Variants in GALNT13 observed in about 807,000 individuals in gnomAD.
GALNT13 encodes polypeptide N-acetylgalactosaminyltransferase 13, also known as UDP-GalNAc:polypeptide N-acetylgalactosaminyltransferase 13.
Under a neutral mutation model 64.2 loss-of-function variants are expected in GALNT13, and 28 were observed. The ratio of observed to expected loss-of-function variants is 0.44; its 90% CI spans 0.32 to 0.60. The LOEUF (loss-of-function observed/expected upper bound fraction) is 0.60. Ranked by LOEUF, GALNT13 falls within the 20% of genes least tolerant of loss-of-function variation. GALNT13 has a pLI of 0.05. For missense variants in GALNT13, 577 were observed against 669.8 expected, an observed-to-expected ratio of 0.86 and a Z score of 1.53; for synonymous variants, 214 against 224.6, an observed-to-expected ratio of 0.95 and a Z score of 0.42.
the GALNT13 span, among the ~76,000 whole-genome samples, chr2:153,532,368 G>C: frequency 6.6e-6 from 1 of 152,104 alleles, no homozygotes; most frequent in Non-Finnish European, 1.5e-5. Flanking sequence ...GCAGGAAGCT[G>C]TGTCCCAAGG....
chr2:153,580,743 A>G, the GALNT13 span, among the ~76,000 whole-genome samples: 1 of 152,222 alleles, frequency 6.6e-6, no homozygotes, highest in African/African-American at 2.4e-5. Flanking sequence ...GCTTAAAAAG[A>G]AACAACTATT....
At chr2:154,150,414 C>A (rs944352360) in intron 4 of GALNT13, among the ~76,000 whole-genome samples, 17 of 152,234 alleles carry the variant, frequency 1.1e-4, no homozygotes, top group South Asian at 2.1e-4. Context: ...CTCTGCCCGG[C>A]TTTGGTTATC....
chr2:153,316,639 CAAAA>C, the GALNT13 span, among the ~76,000 whole-genome samples: 5 of 69,838 alleles, frequency 7.2e-5, no homozygotes, highest in Non-Finnish European at 1.1e-4. Flanking sequence ...GACTCCGTCT[CAAAA>C]AAAAAAAAAA....
chr2:153,983,066 C>T (rs1162623140), intron 3 of GALNT13, among the ~76,000 whole-genome samples: 1 of 151,778 alleles, frequency 6.6e-6, no homozygotes, highest in Admixed American at 6.6e-5. Context: ...TATCAGAAAA[C>T]TAAAAAGCGA....
intron 3 of GALNT13, among the ~76,000 whole-genome samples, chr2:154,020,270 G>C (rs1356533710): frequency 6.6e-6 from 1 of 152,070 alleles, no homozygotes; most frequent in African/African-American, 2.4e-5. Flanking sequence ...CTGAGGAATC[G>C]CCACACCGAC....
the GALNT13 span, among the ~76,000 whole-genome samples, chr2:153,489,723 A>G: frequency 2.0e-5 from 3 of 152,226 alleles, no homozygotes; most frequent in Non-Finnish European, 4.4e-5. Flanking sequence ...ATAATAGGTA[A>G]GATCAGGTGT....
intron 11 of GALNT13, among the ~76,000 whole-genome samples, chr2:154,434,478 C>T (rs912793438): frequency 6.6e-6 from 1 of 152,128 alleles, no homozygotes; most frequent in African/African-American, 2.4e-5. Flanking sequence ...CCAGGATGGT[C>T]TCAATCTCCT....
At chr2:153,729,176 T>C in the GALNT13 span, among the ~76,000 whole-genome samples, 1 of 152,062 alleles carries the variant, frequency 6.6e-6, no homozygotes, top group African/African-American at 2.4e-5. Flanking sequence ...AAGCATTCCC[T>C]TTGAAAACCA....
the GALNT13 span, among the ~76,000 whole-genome samples, chr2:153,139,961 G>A: frequency 6.6e-6 from 1 of 151,980 alleles, no homozygotes; most frequent in Non-Finnish European, 1.5e-5. Context: ...ATGTTTAGAA[G>A]AGGTTCTTAG....
chr2:154,216,773 A>G (rs931272091), intron 4 of GALNT13, among the ~76,000 whole-genome samples: 4 of 150,438 alleles, frequency 2.7e-5, no homozygotes, highest in African/African-American at 4.9e-5. Context: ...TAAAAGGCAA[A>G]CACTTCATTT....
At chr2:154,305,432 G>T (rs1347578221) in intron 9 of GALNT13, among the ~76,000 whole-genome samples, 1 of 152,024 alleles carries the variant, frequency 6.6e-6, no homozygotes, top group Non-Finnish European at 1.5e-5. Flanking sequence ...ACTCTAAAGA[G>T]TTTATGAGTT....
chr2:153,598,175 A>G, the GALNT13 span, among the ~76,000 whole-genome samples: 1 of 152,116 alleles, frequency 6.6e-6, no homozygotes, highest in Non-Finnish European at 1.5e-5. Context: ...TGCACTTTGC[A>G]TAAAATTCAA....
chr2:153,732,942 C>T, the GALNT13 span, among the ~76,000 whole-genome samples: 1 of 152,098 alleles, frequency 6.6e-6, no homozygotes, highest in Non-Finnish European at 1.5e-5. Context: ...ACCGCTTACT[C>T]TCCTAGCTTT....
chr2:153,322,490 T>G, the GALNT13 span, among the ~76,000 whole-genome samples: 1 of 152,274 alleles, frequency 6.6e-6, no homozygotes, highest in Admixed American at 6.5e-5. Context: ...TACATGTTTC[T>G]TATTGGTAGA....
chr2:153,421,498 T>C, the GALNT13 span: 1 of 220,968 alleles, frequency 4.5e-6, no homozygotes, highest in Non-Finnish European at 1.0e-5. Context: ...AACTTCAGTT[T>C]AGACTTTGTG....
At chr2:153,316,639 C>CAAAAAAAAAAAAAAAAAAAAAAA in the GALNT13 span, among the ~76,000 whole-genome samples, 1 of 69,850 alleles carries the variant, frequency 1.4e-5, no homozygotes, top group African/African-American at 5.7e-5. Context: ...GACTCCGTCT[C>CAAAAAAAAAAAAAAAAAAAAAAA]AAAAAAAAAA....
In GALNT13 at chr2:154,014,029, C is replaced by A. The variant is rs1438704326; in HGVS notation, c.142+69390C>A. ...GCAAGCGGGAGTGATCAGGCTGGGG[C>A]TCCAGGAGAAGCTGGCAGCAGGAGA... On this transcript the variant is annotated intron_variant, in intron 3 of 12. Transcript: ENST00000392825. 2.0e-5 allele frequency among the ~76,000 whole-genome samples: 3 copies of A among 152,150 alleles called. No individual in the cohort carries two copies. The East Asian group carries it at 5.8e-4, about 29-fold the overall frequency.
Position 154,024,628 on chromosome 2 carries a change from A to G in GALNT13, c.142+79989A>G, listed in dbSNP as rs1229054442. On this transcript the variant is annotated intron_variant, in intron 3 of 12. Coordinates refer to ENST00000392825, the MANE Select transcript of GALNT13 (RefSeq NM_052917.4). ...TTTCAAAGCTTTTAACTTCTTTGCCATTGGTTTGAATTTCCTCCTGTAGCT... is the reference window on the plus strand; with the variant it reads ...TTTCAAAGCTTTTAACTTCTTTGCCGTTGGTTTGAATTTCCTCCTGTAGCT... 3.3e-5 allele frequency among the ~76,000 whole-genome samples: 5 copies of G among 151,708 alleles called. No individual in the cohort carries two copies. In the South Asian group the frequency reaches 6.3e-4, roughly 19 times the overall value.
the GALNT13 span, among the ~76,000 whole-genome samples, chr2:153,095,892 G>A: frequency 2.0e-5 from 3 of 152,020 alleles, no homozygotes; most frequent in African/African-American, 4.8e-5. Flanking sequence ...GTCATGGGGT[G>A]GGGGGAGCGG....
Sources: gnomAD v4.1 joint callset for allele counts (sites outside exome capture counted in the v4.1 genomes callset) on GRCh38, gnomAD v4.1.1 for gene constraint, MANE v1.5 for transcripts, NCBI Gene and HGNC (gene_info 2026-07-23, HGNC 2026-07-21) for gene names.